The following ZNF292 variants were observed in gnomAD, a reference collection of about 807,000 sequenced individuals.
The protein encoded by ZNF292 is 16 zinc-finger domain protein.
ZNF292 carries 26 observed loss-of-function variants against 217.9 expected under a neutral mutation model. The ratio of observed to expected loss-of-function variants is 0.12; its 90% CI spans 0.09 to 0.17. The LOEUF is 0.17. ZNF292 is among the 10% of genes least tolerant of loss of function. The pLI, the probability that ZNF292 is intolerant of heterozygous loss-of-function variation, is 1.00. For synonymous variants in ZNF292, 1,257 were observed against 1,124.1 expected (o/e 1.12, Z -2.37); for missense variants, 2,904 against 3,175.2 (o/e 0.91, Z 2.05).
At position 87,184,645 on chromosome 6, in the gene ZNF292, G is replaced by T. The variant is rs140111179; in HGVS notation, c.168+28886G>T. ...ATATATGAGAAGAGATTTATTAGGA[G>T]AATTCACATAAGAGATTCTGGTGGC... On this transcript the variant is annotated intron_variant, in intron 1 of 7. Transcript: ENST00000369577. Among the ~76,000 whole-genome samples the T allele has an allele frequency of 2.8e-4, 43 of 152,230 alleles. No homozygotes were observed. In the East Asian group the frequency reaches 7.5e-3, roughly 27 times the overall value.
intron 1 of ZNF292, among the ~76,000 whole-genome samples, chr6:87,160,491 A>ATGTG (rs1260142601): frequency 1.7e-4 from 25 of 146,324 alleles, no homozygotes; most frequent in Admixed American, 2.7e-4. Context: ...TTGTATATAT[A>ATGTG]TGTGTGTGTG....
intron 5 of ZNF292, among the ~76,000 whole-genome samples, chr6:87,240,074 G>A (rs1371928326): frequency 2.6e-5 from 4 of 152,186 alleles, no homozygotes; most frequent in Non-Finnish European, 4.4e-5. Context: ...TGAGCACTGA[G>A]TGAACGAGAC....
chr6:87,213,604 T>C (rs1312272508), intron 1 of ZNF292: 1 of 152,652 alleles, frequency 6.6e-6, no homozygotes, highest in Admixed American at 6.5e-5. Flanking sequence ...GTGACTTAGG[T>C]CAGAGCAGGT....
At chr6:87,170,619 A>G (rs558725595) in intron 1 of ZNF292, among the ~76,000 whole-genome samples, 4 of 152,304 alleles carry the variant, frequency 2.6e-5, no homozygotes, top group Admixed American at 6.5e-5. Flanking sequence ...ATTTACCTAT[A>G]ATTGAATGAA....
At chr6:87,187,444 T>TA (rs1228561192) in intron 1 of ZNF292, among the ~76,000 whole-genome samples, 5 of 152,096 alleles carry the variant, frequency 3.3e-5, no homozygotes, top group Admixed American at 1.3e-4. Flanking sequence ...TTTGGCCAGG[T>TA]ACAGTGGCTC....
chr6:87,222,715 C>A (rs1193060341), intron 4 of ZNF292: 1 of 426,486 alleles, frequency 2.3e-6, no homozygotes, highest in Non-Finnish European at 4.7e-6. Context: ...ATTAATTAAT[C>A]CATAATTTAT....
At chr6:87,161,518 G>T (rs765923095) in intron 1 of ZNF292, among the ~76,000 whole-genome samples, 4 of 152,208 alleles carry the variant, frequency 2.6e-5, no homozygotes, top group Non-Finnish European at 5.9e-5. Flanking sequence ...GACCAACTGG[G>T]CTTAAGCGAT....
chr6:87,209,194 G>A (rs1156891095), intron 1 of ZNF292, among the ~76,000 whole-genome samples: 1 of 150,452 alleles, frequency 6.6e-6, no homozygotes, highest in Non-Finnish European at 1.5e-5. Flanking sequence ...TTGTTTGTTT[G>A]TTTGTTCTTG....
chr6:87,206,410 G>A (rs902908433), intron 1 of ZNF292, among the ~76,000 whole-genome samples: 8 of 151,772 alleles, frequency 5.3e-5, no homozygotes, highest in Non-Finnish European at 7.4e-5. Context: ...AGCTTTCACC[G>A]AGATTCCCCC....
In ZNF292 at chr6:87,155,632, G is replaced by C; in HGVS notation, c.41G>C (p.Gly14Ala). Residue 14 changes from glycine to alanine, a missense_variant, in exon 1 of 8, where the codon GGC becomes GCC. Physicochemically the swap from Gly to Ala is moderately conservative, Grantham distance 60. Around this residue, in one of 15 missense-constraint regions of ZNF292, gnomAD observed 66 missense variants for 44.1 expected, o/e 1.50. Coordinates refer to ENST00000369577, the MANE Select transcript of ZNF292 (RefSeq NM_015021.3). ...GCCGAGCAGGAGAGGTTGAGTTGCG[G>C]CGAAGGCGGCTGCGTCGCGGAGCTG... ...EEAEQERLSC[G>A]EGGCVAELQR... 1 of 1,582,454 alleles carries C rather than the reference G, an allele frequency of 6.3e-7. No individual in the cohort carries two copies. Among genetic ancestry groups the C allele is most frequent in the Non-Finnish European group, 8.6e-7 (1 of 1,165,678 alleles).
chr6:87,160,721 C>T (rs1770718023), intron 1 of ZNF292, among the ~76,000 whole-genome samples: 1 of 151,610 alleles, frequency 6.6e-6, no homozygotes. Context: ...TTCATATAAG[C>T]AGGGCTTCTC....
At chr6:87,226,602 A>G (rs1773354143) in intron 4 of ZNF292, among the ~76,000 whole-genome samples, 1 of 148,984 alleles carries the variant, frequency 6.7e-6, no homozygotes, top group South Asian at 2.1e-4. Flanking sequence ...TAAAGCTCCT[A>G]GACAAGGACA....
chr6:87,218,559 T>G, intron 3 of ZNF292, 37 bp from the exon 4 acceptor site: 1 of 1,484,714 alleles, frequency 6.7e-7, no homozygotes. Context: ...TTTAAAAATC[T>G]GTTGTAATTC....
At chr6:87,198,217 T>G (rs1000440905) in intron 1 of ZNF292, among the ~76,000 whole-genome samples, 1 of 134,322 alleles carries the variant, frequency 7.4e-6, no homozygotes, top group Non-Finnish European at 1.6e-5. Context: ...TATTTATTTA[T>G]TTTTTGAGAT....
intron 1 of ZNF292, among the ~76,000 whole-genome samples, chr6:87,160,727 T>C (rs943750857): frequency 6.6e-6 from 1 of 151,938 alleles, no homozygotes; most frequent in Admixed American, 6.6e-5. Context: ...TAAGCAGGGC[T>C]TCTCAACTGG....
In ZNF292 at chr6:87,257,790, C is replaced by G; in HGVS notation, c.4161C>G (p.Pro1387=). The G allele has an allele frequency of 6.2e-7, 1 of 1,613,828 alleles. No individual in the cohort carries two copies. The highest frequency in any genetic ancestry group is 8.5e-7 in the Non-Finnish European group (1 of 1,179,788). Residue 1387 remains proline, a synonymous_variant, in exon 8 of 8, where the codon CCC becomes CCG. Transcript: ENST00000369577. ...CSRCYRAFTN[P]RSLGGHLSKR... is the part of the protein sequence containing the mutation. Reference sequence around the variant, plus strand: ...GGTGTTACAGGGCTTTTACTAATCCCAGATCACTGGGTGGGCACTTATCCA... The same window carrying G: ...GGTGTTACAGGGCTTTTACTAATCCGAGATCACTGGGTGGGCACTTATCCA...
chr6:87,159,995 G>A (rs1381735271), intron 1 of ZNF292, among the ~76,000 whole-genome samples: 1 of 152,144 alleles, frequency 6.6e-6, no homozygotes, highest in Admixed American at 6.5e-5. Flanking sequence ...ACAAAAATTG[G>A]TTATAATTGG....
At chr6:87,182,039 C>A (rs1408903751) in intron 1 of ZNF292, among the ~76,000 whole-genome samples, 12 of 152,092 alleles carry the variant, frequency 7.9e-5, no homozygotes, top group Non-Finnish European at 1.5e-4. Context: ...ACATATTATC[C>A]TTGTGCTTGA....
chr6:87,191,419 T>C (rs1771817986), intron 1 of ZNF292, among the ~76,000 whole-genome samples: 1 of 152,174 alleles, frequency 6.6e-6, no homozygotes, highest in Non-Finnish European at 1.5e-5. Flanking sequence ...GACACTTAGA[T>C]TGTTAACAAT....
Sources: gnomAD v4.1 joint callset for allele counts (sites outside exome capture counted in the v4.1 genomes callset) on GRCh38, gnomAD v4.1.1 for gene constraint, gnomAD v4.1.1 regional missense constraint, MANE v1.5 for transcripts, NCBI Gene and HGNC (gene_info 2026-07-23, HGNC 2026-07-21) for gene names.